Variants in SGIP1 observed in about 807,000 individuals in gnomAD.
SGIP1 encodes the protein SH3GL interacting endocytic adaptor 1.
SGIP1 carries 38 observed loss-of-function variants against 107.5 expected under a neutral mutation model. The observed-to-expected ratio is 0.35, with a 90% CI of 0.27 to 0.46. The LOEUF is 0.46. Ranked by LOEUF, SGIP1 falls within the 20% of genes least tolerant of loss-of-function variation. SGIP1 has a pLI of 1.00. For synonymous variants in SGIP1, 365 were observed against 366.1 expected (o/e 1.00, Z 0.03); for missense variants, 929 against 1,019.5 (o/e 0.91, Z 1.21).
rs1234680863 is a variant in SGIP1, at chr1:66,744,725, C to T, written c.*1630C>T. 6.6e-6 allele frequency: 1 copy of T among 152,372 alleles called. No individual in the cohort carries two copies. Among genetic ancestry groups the T allele is most frequent in the African/African-American group, 2.4e-5 (1 of 41,430 alleles). The allele number at this position is 152,372 out of a possible 1,614,324, so 9.4% of individuals were successfully genotyped here. Reference sequence around the variant, plus strand: ...TTTTTAAATTAATCTTTGTACTCCTCTATCAGTGCTTGCTACCAAGAGAAT... The same window carrying T: ...TTTTTAAATTAATCTTTGTACTCCTTTATCAGTGCTTGCTACCAAGAGAAT... On this transcript the variant is annotated 3_prime_UTR_variant, in exon 25 of 25. Transcript: ENST00000371037.
intron 7 of SGIP1, among the ~76,000 whole-genome samples, chr1:66,650,093 G>A (rs2149564569): frequency 6.6e-6 from 1 of 152,288 alleles, no homozygotes; most frequent in East Asian, 1.9e-4. Context: ...ATCATTAATA[G>A]TGATAAATAA....
At chr1:66,597,592 T>C (rs946231751) in intron 1 of SGIP1, among the ~76,000 whole-genome samples, 7 of 152,188 alleles carry the variant, frequency 4.6e-5, no homozygotes, top group Non-Finnish European at 8.8e-5. Context: ...AGACATCAGA[T>C]TGATCATTGC....
At chr1:66,709,297 T>G (rs149511682) in intron 18 of SGIP1, among the ~76,000 whole-genome samples, 274 of 148,666 alleles carry the variant, frequency 1.8e-3, no homozygotes, top group African/African-American at 6.5e-3. Context: ...AAGGAGAACA[T>G]GTAGCACTCT....
chr1:66,558,611 A>G (rs1056991924), intron 1 of SGIP1, among the ~76,000 whole-genome samples: 1 of 152,008 alleles, frequency 6.6e-6, no homozygotes, highest in African/African-American at 2.4e-5. Context: ...TCTGGCTACC[A>G]AACAGGCATT....
At chr1:66,574,488 TG>T (rs1223208116) in intron 1 of SGIP1, among the ~76,000 whole-genome samples, 3 of 152,170 alleles carry the variant, frequency 2.0e-5, no homozygotes, top group Non-Finnish European at 4.4e-5. Flanking sequence ...ACATTCTCAT[TG>T]TTTAATTAGG....
chr1:66,568,360 T>TAA (rs2059933807), intron 1 of SGIP1, among the ~76,000 whole-genome samples: 1 of 57,738 alleles, frequency 1.7e-5, no homozygotes, highest in African/African-American at 1.4e-4. Context: ...TTTTTTGTCC[T>TAA]GAGAAGTTGC....
chr1:66,675,537 C>CTTTTTTTTTTTTTTT lies in SGIP1; in HGVS notation c.647-1464_647-1463insTTTTTTTTTTTTTTT. ...TTTCGTTGTTTTTCTTTTTCTTTTTCTTTCTTTTTTTTTTTTTTTTTTGAC... is the reference window on the plus strand; with the variant it reads ...TTTCGTTGTTTTTCTTTTTCTTTTTCTTTTTTTTTTTTTTTTTTCTTTTTTTTTTTTTTTTTTGAC... On this transcript the variant is annotated intron_variant, in intron 12 of 24. Coordinates refer to ENST00000371037, the MANE Select transcript of SGIP1 (RefSeq NM_032291.4). Among the ~76,000 whole-genome samples, 778 of 109,008 alleles carry CTTTTTTTTTTTTTTT rather than the reference C, an allele frequency of 7.1e-3. 76 individuals are homozygous for CTTTTTTTTTTTTTTT. Among genetic ancestry groups the CTTTTTTTTTTTTTTT allele is most frequent in the East Asian group, 0.013 (42 of 3,336 alleles). The allele number at this position is 109,008 out of a possible 152,430, so 71.5% of individuals were successfully genotyped here. A position where few individuals can be genotyped will look rare whatever the true frequency, so the allele number is the denominator to read the frequency against.
intron 7 of SGIP1, among the ~76,000 whole-genome samples, chr1:66,645,692 G>A (rs530621046): frequency 4.5e-4 from 68 of 152,280 alleles, no homozygotes; most frequent in African/African-American, 1.6e-3. Flanking sequence ...AGAGTGAGCT[G>A]TTACTACTTT....
At chr1:66,566,965 T>A (rs1039525699) in intron 1 of SGIP1, among the ~76,000 whole-genome samples, 2 of 152,002 alleles carry the variant, frequency 1.3e-5, no homozygotes, top group Non-Finnish European at 2.9e-5. Flanking sequence ...TGCAGTGTTT[T>A]GTTTTCTGTT....
chr1:66,562,637 T>C (rs2059116969), intron 1 of SGIP1, among the ~76,000 whole-genome samples: 1 of 152,080 alleles, frequency 6.6e-6, no homozygotes, highest in Non-Finnish European at 1.5e-5. Context: ...TTATTTGTTT[T>C]GGTTTTTTTC....
intron 18 of SGIP1, among the ~76,000 whole-genome samples, chr1:66,716,786 A>T (rs1445344257): frequency 6.6e-6 from 1 of 152,154 alleles, no homozygotes; most frequent in East Asian, 1.9e-4. Flanking sequence ...AGGAATTATG[A>T]TTTTAATGAC....
chr1:66,605,574 A>G (rs2066658392), intron 1 of SGIP1, among the ~76,000 whole-genome samples: 1 of 151,390 alleles, frequency 6.6e-6, no homozygotes, highest in African/African-American at 2.4e-5. Flanking sequence ...GGCAGTCTGG[A>G]TGTCACAAAA....
chr1:66,641,464 T>G (rs1369270498), intron 5 of SGIP1, among the ~76,000 whole-genome samples: 1 of 152,030 alleles, frequency 6.6e-6, no homozygotes, highest in African/African-American at 2.4e-5. Context: ...ACCTATAACC[T>G]CAACTTCAAC....
chr1:66,654,285 A>G (rs188144022), intron 7 of SGIP1, among the ~76,000 whole-genome samples: 14 of 152,318 alleles, frequency 9.2e-5, no homozygotes, highest in African/African-American at 3.1e-4. Flanking sequence ...CAATAAGATC[A>G]ATAATTTCCT....
intron 12 of SGIP1, among the ~76,000 whole-genome samples, chr1:66,675,531 C>CTTT (rs1467845348): frequency 4.2e-5 from 3 of 72,020 alleles, no homozygotes; most frequent in African/African-American, 1.5e-4. Context: ...TTTTCTTTTT[C>CTTT]TTTTTCTTTC....
rs530889176 is a variant in SGIP1, at chr1:66,699,401, C to G, written c.1630+3908C>G. Among the ~76,000 whole-genome samples, 37 of 152,262 alleles carry G rather than the reference C, an allele frequency of 2.4e-4. No homozygotes were observed. The South Asian group carries it at 4.4e-3, about 18-fold the overall frequency. ...TTATCTTAGAGGTGCTGGCAGCTTGCGTGTCATCCTCTGTGCCACCTCACT... is the reference window on the plus strand; with the variant it reads ...TTATCTTAGAGGTGCTGGCAGCTTGGGTGTCATCCTCTGTGCCACCTCACT... On this transcript the variant is annotated intron_variant, in intron 18 of 24. Coordinates refer to ENST00000371037, the MANE Select transcript of SGIP1 (RefSeq NM_032291.4).
In SGIP1 at chr1:66,621,077, TAGG is replaced by T. The variant is rs150461463; in HGVS notation, c.11-4767_11-4765del. Among the ~76,000 whole-genome samples, 256 of 152,308 alleles carry T rather than the reference TAGG, an allele frequency of 1.7e-3. 1 individual carries two copies. Among genetic ancestry groups the T allele is most frequent in the African/African-American group, 6.1e-3 (252 of 41,574 alleles). On this transcript the variant is annotated intron_variant, in intron 1 of 24. Transcript: ENST00000371037. ...TGGGATTAATATAACATTGTGATTTTAGGAGAACAGATCAAAGGAGCAAGCATC... is the reference window on the plus strand; with the variant it reads ...TGGGATTAATATAACATTGTGATTTTAGAACAGATCAAAGGAGCAAGCATC...
intron 24 of SGIP1, among the ~76,000 whole-genome samples, chr1:66,742,594 T>C (rs377648098): frequency 0.015 from 2,218 of 148,686 alleles, 91 homozygotes; most frequent in African/African-American, 0.052. Context: ...CTCAGCCTCC[T>C]GAGTAGCTGG....
At chr1:66,572,259 A>T (rs2060482047) in intron 1 of SGIP1, among the ~76,000 whole-genome samples, 1 of 152,090 alleles carries the variant, frequency 6.6e-6, no homozygotes, top group African/African-American at 2.4e-5. Context: ...AAATGGAAAG[A>T]TAATCACAGT....
Sources: gnomAD v4.1 joint callset for allele counts (sites outside exome capture counted in the v4.1 genomes callset) on GRCh38, gnomAD v4.1.1 for gene constraint, MANE v1.5 for transcripts, NCBI Gene and HGNC (gene_info 2026-07-23, HGNC 2026-07-21) for gene names.